BUB1: variants seen among roughly 807,000 people sequenced by gnomAD.
BUB1 encodes mitotic checkpoint serine/threonine-protein kinase BUB1.
Under a neutral mutation model 135.2 loss-of-function variants are expected in BUB1, and 84 were observed. The ratio of observed to expected loss-of-function variants is 0.62; its 90% CI spans 0.52 to 0.74. The LOEUF is 0.74. Among genes scored for constraint, BUB1 ranks in the 30% least tolerant of loss-of-function variants. The pLI is 0.00. For synonymous variants in BUB1, 403 were observed against 434.4 expected (o/e 0.93, Z 0.90); for missense variants, 1,162 against 1,288.3 (o/e 0.90, Z 1.50).
chr2:110,645,296 T>G lies in BUB1; in HGVS notation c.2348-3062A>C, dbSNP rs564193613. On this transcript the variant is annotated intron_variant, in intron 19 of 24. Transcript: ENST00000302759. ...AAAAAATACAAAAATTAGCTGGGCG[T>G]GGTGGTGTGCGCCTGTAGTCCCAGC... is the stretch of plus-strand genomic sequence containing the variant. Among the ~76,000 whole-genome samples, 3 of 151,848 alleles carry G rather than the reference T, an allele frequency of 2.0e-5. No homozygotes were observed. In the South Asian group the frequency reaches 6.2e-4, roughly 32 times the overall value.
chr2:110,666,075 A>C (rs1462819225), intron 9 of BUB1, 188 bp downstream of exon 9: 1 of 468,958 alleles, frequency 2.1e-6, no homozygotes, highest in Non-Finnish European at 3.4e-6. Context: ...ACATACTACC[A>C]TTCTGTTTTG....
chr2:110,669,417 C>T (rs1322314456), intron 6 of BUB1, 36 bp downstream of exon 6: 3 of 1,440,256 alleles, frequency 2.1e-6, no homozygotes, highest in South Asian at 1.1e-5. Context: ...CAATACCATT[C>T]CCAGTTTCCA....
chr2:110,662,120 C>A, intron 9 of BUB1: 1 of 342,142 alleles, frequency 2.9e-6, no homozygotes. Flanking sequence ...GTTGTATCAG[C>A]ATTTAAGTAT....
chr2:110,648,421 A>G lies in BUB1; in HGVS notation c.2347+813T>C, dbSNP rs1415125881. Among the ~76,000 whole-genome samples, 1 of 152,158 alleles carries G rather than the reference A, an allele frequency of 6.6e-6. No homozygotes were observed. Among genetic ancestry groups the G allele is most frequent in the Non-Finnish European group, 1.5e-5 (1 of 68,004 alleles). The stretch of plus-strand genomic sequence containing the variant: ...AGGAAGGGATGAATAGGTGAGGCAC[A>G]GGGGATTTTTAGGGTGAGGAAATGA... On this transcript the variant is annotated intron_variant, in intron 19 of 24. Transcript: ENST00000302759. This position sits in a 1 kb window ranked among gnomAD's most constrained non-coding sequence, Gnocchi z 4.2.
At chr2:110,646,892 G>A (rs1018164849) in intron 19 of BUB1, among the ~76,000 whole-genome samples, 5 of 152,146 alleles carry the variant, frequency 3.3e-5, no homozygotes, top group Non-Finnish European at 7.4e-5. Flanking sequence ...AAACATTACA[G>A]TAGAAATCAA....
At chr2:110,639,160 G>T (rs1171954520) in intron 24 of BUB1, among the ~76,000 whole-genome samples, 1 of 151,990 alleles carries the variant, frequency 6.6e-6, no homozygotes, top group East Asian at 1.9e-4. Context: ...TTCACACATT[G>T]TGTTAGGAGA....
In BUB1 at chr2:110,637,832, T is replaced by C; in HGVS notation, c.*132A>G. The C allele has an allele frequency of 4.3e-6, 3 of 699,164 alleles. No homozygotes were observed. The highest frequency in any genetic ancestry group is 6.3e-6 in the Non-Finnish European group (3 of 479,632). 43.3% of individuals were successfully genotyped at this position (699,164 alleles called of 1,614,324 possible). Reference sequence around the variant, plus strand: ...TGTTGAAATATTTATAACAACTAAGTTACATGGAAATATTCCATGGGATTT... The same window carrying C: ...TGTTGAAATATTTATAACAACTAAGCTACATGGAAATATTCCATGGGATTT... On this transcript the variant is annotated 3_prime_UTR_variant, in exon 25 of 25. Coordinates refer to ENST00000302759, the MANE Select transcript of BUB1 (RefSeq NM_004336.5).
chr2:110,657,532 T>C lies in BUB1; in HGVS notation c.1616+14A>G, dbSNP rs757564910. On this transcript the variant is annotated intron_variant, in intron 14 of 24. Coordinates refer to ENST00000302759, the MANE Select transcript of BUB1 (RefSeq NM_004336.5). ...ACTCGGCAGCATCCCATTAACTAGATGGTATTTTTTTACCCATAATTTTCT... is the reference window on the plus strand; with the variant it reads ...ACTCGGCAGCATCCCATTAACTAGACGGTATTTTTTTACCCATAATTTTCT... 6.3e-7 allele frequency: 1 copy of C among 1,577,858 alleles called. No homozygotes were observed. The highest frequency in any genetic ancestry group is 8.6e-7 in the Non-Finnish European group (1 of 1,156,450).
At chr2:110,657,487 C>A in intron 14 of BUB1, 59 bp downstream of exon 14, 1 of 1,287,458 alleles carries the variant, frequency 7.8e-7, no homozygotes, top group Non-Finnish European at 1.1e-6. Flanking sequence ...ACCACCCCAC[C>A]ACCTCTGGTC....
intron 19 of BUB1, 34 bp from the exon 20 acceptor site, chr2:110,642,268 C>G (rs767387668): frequency 7.2e-7 from 1 of 1,379,492 alleles, no homozygotes; most frequent in Non-Finnish European, 1.0e-6. Flanking sequence ...AATTTATGTA[C>G]GCCTTTTATT....
chr2:110,664,615 G>C (rs1204847673), intron 9 of BUB1, among the ~76,000 whole-genome samples: 4 of 148,046 alleles, frequency 2.7e-5, no homozygotes, highest in Non-Finnish European at 5.9e-5. Context: ...TGGAGAAAGT[G>C]TGCCTTCGAA....
Position 110,641,158 on chromosome 2 carries a change from A to T in BUB1, c.2831T>A (p.Leu944Gln), listed in dbSNP as rs759693865. The T allele has an allele frequency of 6.2e-7, 1 of 1,612,514 alleles. No individual in the cohort carries two copies. The highest frequency in any genetic ancestry group is 1.7e-5 in the Admixed American group (1 of 59,562). The change falls in exon 23 of 25, where the codon CTG becomes CAG. Residue 944 changes from leucine to glutamine, a missense_variant. Leu to Gln is a moderately radical substitution (Grantham distance 113, BLOSUM62 -2). Coordinates refer to ENST00000302759, the MANE Select transcript of BUB1 (RefSeq NM_004336.5). ...DEDDLSAGLA[L>Q]IDLGQSIDMK... ...ATCTATACTCTGACCCAGGTCAATCAGTGCCAAGCCAGCAGATAAATCATC... is the reference window on the plus strand; with the variant it reads ...ATCTATACTCTGACCCAGGTCAATCTGTGCCAAGCCAGCAGATAAATCATC...
intron 24 of BUB1, 96 bp downstream of exon 24, chr2:110,639,646 C>T (rs561328527): frequency 3.6e-5 from 36 of 1,001,452 alleles, no homozygotes; most frequent in South Asian, 1.6e-4. Context: ...GATTTCCATG[C>T]GGTGGCAGAG....
At chr2:110,645,047 A>AATTATATCAAATAT (rs750236798) in intron 19 of BUB1, among the ~76,000 whole-genome samples, 302 of 152,342 alleles carry the variant, frequency 2.0e-3, no homozygotes, top group Non-Finnish European at 2.8e-3. Context: ...ATATAGTGAC[A>AATTATATCAAATAT]ATCCAATTAT....
Position 110,639,859 on chromosome 2 carries a change from G to GAT in BUB1, c.2956-13_2956-12dup. On this transcript the variant is annotated splice_polypyrimidine_tract_variant and intron_variant, in intron 23 of 24. Transcript: ENST00000302759. ...CCCAAAGTAATCGATCTATGAAGAA[G>GAT]ATAGAGGTATATATGACTTAAATAG... 1 of 1,597,426 alleles carries GAT rather than the reference G, an allele frequency of 6.3e-7. No homozygotes were observed. The highest frequency in any genetic ancestry group is 2.2e-5 in the East Asian group (1 of 44,800).
intron 6 of BUB1, among the ~76,000 whole-genome samples, chr2:110,668,350 C>T (rs531156741): frequency 9.9e-5 from 15 of 152,156 alleles, no homozygotes; most frequent in Non-Finnish European, 2.2e-4. Flanking sequence ...CAAGACCCAT[C>T]TCTACTGTCT....
chr2:110,669,895 G>C (rs1434353850), intron 5 of BUB1, among the ~76,000 whole-genome samples: 1 of 152,006 alleles, frequency 6.6e-6, no homozygotes, highest in East Asian at 1.9e-4. Context: ...AAACACATTT[G>C]ATTCCATTCA....
chr2:110,641,615 G>A lies in BUB1; in HGVS notation c.2625+27C>T, dbSNP rs1232913741. 4 of 1,603,012 alleles carry A rather than the reference G, an allele frequency of 2.5e-6. No individual in the cohort carries two copies. In the South Asian group the frequency reaches 4.5e-5, roughly 18 times the overall value. Reference sequence around the variant, plus strand: ...AGCCAAAAATCCATTTTAAATTCATGTGCTCATCATAAAAATGAATACTTA... The same window carrying A: ...AGCCAAAAATCCATTTTAAATTCATATGCTCATCATAAAAATGAATACTTA... On this transcript the variant is annotated intron_variant, in intron 21 of 24. Transcript: ENST00000302759.
chr2:110,639,474 T>C (rs1689444528), intron 24 of BUB1, among the ~76,000 whole-genome samples: 1 of 149,172 alleles, frequency 6.7e-6, no homozygotes, highest in South Asian at 2.1e-4. Context: ...TGATTAGGGG[T>C]GGAAACATTT....
Sources: allele counts gnomAD v4.1 joint callset (sites outside exome capture counted in the v4.1 genomes callset), GRCh38; gene constraint gnomAD v4.1.1; non-coding constraint Gnocchi (gnomAD v3.1); transcripts MANE v1.5; gene names NCBI Gene and HGNC (gene_info 2026-07-23, HGNC 2026-07-21).